The following HMBOX1 variants were observed in gnomAD, a reference collection of about 807,000 sequenced individuals.
HMBOX1 encodes the protein homeobox containing 1, also known as homeobox-containing protein 1.
In HMBOX1, 14 loss-of-function variants were observed where a neutral mutation model predicts 54.5. That is an observed-to-expected ratio of 0.26 (90% confidence interval 0.17 to 0.40). HMBOX1 has a LOEUF of 0.40. Ranked by LOEUF, HMBOX1 falls within the 10% of genes least tolerant of loss-of-function variation. The pLI is 1.00. For synonymous variants in HMBOX1, 160 were observed against 181.0 expected (o/e 0.88, Z 0.93); for missense variants, 332 against 514.4 (o/e 0.65, Z 3.43).
chr8:29,024,424 G>A (rs1426358871), intron 6 of HMBOX1, among the ~76,000 whole-genome samples: 1 of 152,130 alleles, frequency 6.6e-6, no homozygotes, highest in Non-Finnish European at 1.5e-5. Context: ...GTTGGCATTC[G>A]GGCCTTATGT....
At chr8:28,980,808 AT>A (rs1353724188) in intron 4 of HMBOX1, among the ~76,000 whole-genome samples, 1 of 152,094 alleles carries the variant, frequency 6.6e-6, no homozygotes, top group African/African-American at 2.4e-5. Flanking sequence ...GATTTCAGTG[AT>A]TTATAAGACC....
At chr8:29,039,623 A>T (rs1046200435) in intron 6 of HMBOX1, among the ~76,000 whole-genome samples, 8 of 152,274 alleles carry the variant, frequency 5.3e-5, no homozygotes, top group African/African-American at 1.9e-4. Context: ...TTATATGCCA[A>T]GCATATTTTT....
At chr8:29,021,735 C>G in intron 6 of HMBOX1, among the ~76,000 whole-genome samples, 1 of 151,758 alleles carries the variant, frequency 6.6e-6, no homozygotes, top group Admixed American at 6.6e-5. Context: ...TGGCGGGCAC[C>G]TGTAGTCCCA....
intron 9 of HMBOX1, chr8:29,050,319 C>T (rs1207923343): frequency 1.6e-6 from 1 of 638,814 alleles, no homozygotes; most frequent in African/African-American, 2.0e-5. Flanking sequence ...GCAATGCCAG[C>T]TTCCTTCACA....
intron 4 of HMBOX1, among the ~76,000 whole-genome samples, chr8:28,993,427 T>C (rs1219842723): frequency 6.6e-6 from 1 of 152,192 alleles, no homozygotes; most frequent in African/African-American, 2.4e-5. Flanking sequence ...TATTGCAGCA[T>C]ATTGTATGAT....
rs540988543 is a variant in HMBOX1, at chr8:28,937,621, A to G, written c.-57-26190A>G. Among the ~76,000 whole-genome samples, 26 of 152,282 alleles carry G rather than the reference A, an allele frequency of 1.7e-4. 1 individual carries two copies. In the South Asian group the frequency reaches 5.4e-3, roughly 32 times the overall value. The stretch of plus-strand genomic sequence containing the variant: ...AGATCTCATCTTTGTATCTTCCGTA[A>G]TATTTTGCACAAAGTGGAGGTTTAA... On this transcript the variant is annotated intron_variant, in intron 1 of 9. Coordinates refer to ENST00000287701, the MANE Select transcript of HMBOX1 (RefSeq NM_001135726.3).
chr8:28,902,029 C>G (rs539514404), intron 1 of HMBOX1, among the ~76,000 whole-genome samples: 2 of 152,294 alleles, frequency 1.3e-5, no homozygotes, highest in South Asian at 4.2e-4. Context: ...TTTACATACT[C>G]AATCATTATT....
intron 1 of HMBOX1, among the ~76,000 whole-genome samples, chr8:28,906,025 TAA>T (rs1814263450): frequency 6.6e-6 from 1 of 152,190 alleles, no homozygotes; most frequent in Admixed American, 6.5e-5. Context: ...CATTGCCTAA[TAA>T]AAGTGATGTT....
At chr8:28,976,135 T>C (rs190835720) in intron 3 of HMBOX1, among the ~76,000 whole-genome samples, 3 of 152,346 alleles carry the variant, frequency 2.0e-5, no homozygotes, top group Non-Finnish European at 4.4e-5. Context: ...AGAACTCTTT[T>C]AATGCTACCT....
At chr8:29,031,906 G>T (rs1445906467) in intron 6 of HMBOX1, among the ~76,000 whole-genome samples, 1 of 152,204 alleles carries the variant, frequency 6.6e-6, no homozygotes, top group Non-Finnish European at 1.5e-5. Flanking sequence ...TGACAGTGGA[G>T]TGGGGTCCTG....
intron 1 of HMBOX1, among the ~76,000 whole-genome samples, chr8:28,895,519 A>G (rs747806687): frequency 8.5e-5 from 13 of 152,126 alleles, no homozygotes; most frequent in Non-Finnish European, 1.9e-4. Flanking sequence ...TACTGAAAAG[A>G]CAAAAATTAG....
At chr8:29,048,438 AATAAAT>A (rs1216496511) in intron 8 of HMBOX1, 2 of 152,262 alleles carry the variant, frequency 1.3e-5, no homozygotes, top group Non-Finnish European at 2.9e-5. Flanking sequence ...CTGTAACAGT[AATAAAT>A]AAGAATAAGA....
chr8:28,913,884 C>T (rs1268826284), intron 1 of HMBOX1, among the ~76,000 whole-genome samples: 6 of 100,170 alleles, frequency 6.0e-5, no homozygotes, highest in Non-Finnish European at 9.6e-5. Context: ...TTTGCGGGGG[C>T]GGAGGGATGG....
At chr8:28,894,394 T>C (rs1004404115) in intron 1 of HMBOX1, among the ~76,000 whole-genome samples, 1 of 152,222 alleles carries the variant, frequency 6.6e-6, no homozygotes, top group African/African-American at 2.4e-5. Flanking sequence ...GAACTTTGAC[T>C]GAAGCTAGAA....
intron 1 of HMBOX1, among the ~76,000 whole-genome samples, chr8:28,943,737 G>T (rs750579059): frequency 7.2e-5 from 11 of 152,176 alleles, no homozygotes; most frequent in Non-Finnish European, 1.2e-4. Flanking sequence ...AATGATAAAT[G>T]AGAGTTGATA....
chr8:28,994,626 G>A (rs1234132141), intron 4 of HMBOX1, among the ~76,000 whole-genome samples: 1 of 152,044 alleles, frequency 6.6e-6, no homozygotes, highest in Non-Finnish European at 1.5e-5. Flanking sequence ...GGGTCCAACT[G>A]CATAAAAATT....
intron 5 of HMBOX1, among the ~76,000 whole-genome samples, chr8:29,011,056 G>A (rs1781747050): frequency 6.6e-6 from 1 of 152,124 alleles, no homozygotes; most frequent in Admixed American, 6.5e-5. Flanking sequence ...GATTATTTAG[G>A]GAGGCACGTA....
intron 4 of HMBOX1, among the ~76,000 whole-genome samples, chr8:28,982,240 A>G (rs972395969): frequency 3.1e-4 from 47 of 152,290 alleles, no homozygotes; most frequent in African/African-American, 1.1e-3. Context: ...CTCAAAAACA[A>G]AAACAAAAAA....
chr8:29,012,519 G>A (rs907181586), intron 5 of HMBOX1, among the ~76,000 whole-genome samples: 4 of 152,092 alleles, frequency 2.6e-5, no homozygotes, highest in African/African-American at 9.7e-5. Flanking sequence ...CAGTATCAAG[G>A]GCATATTTAT....
Sources: allele counts gnomAD v4.1 joint callset (sites outside exome capture counted in the v4.1 genomes callset), GRCh38; gene constraint gnomAD v4.1.1; transcripts MANE v1.5; gene names NCBI Gene and HGNC (gene_info 2026-07-23, HGNC 2026-07-21).